GLIS3: variants seen among roughly 807,000 people sequenced by gnomAD.
GLIS3 encodes the protein zinc finger protein GLIS3.
In GLIS3, 53 loss-of-function variants were observed where a neutral mutation model predicts 78.6. That is an observed-to-expected ratio of 0.67 (90% CI 0.54 to 0.85). The LOEUF is 0.85. GLIS3 is among the 40% of genes least tolerant of loss of function. The probability of loss-of-function intolerance (pLI) is 0.00; values close to 1 mark genes in which losing one functional copy is unlikely to be tolerated. For missense variants in GLIS3, 1,703 were observed against 1,231.1 expected (o/e 1.38, Z -5.74); for synonymous variants, 684 against 509.9 (o/e 1.34, Z -4.60).
At chr9:4,454,580 G>A in the GLIS3 span, among the ~76,000 whole-genome samples, 3 of 152,114 alleles carry the variant, frequency 2.0e-5, no homozygotes, top group African/African-American at 7.2e-5. Context: ...GTAAATCTAG[G>A]AGATACTAGT....
chr9:4,396,280 G>T, the GLIS3 span, among the ~76,000 whole-genome samples: 1 of 152,104 alleles, frequency 6.6e-6, no homozygotes, highest in African/African-American at 2.4e-5. Flanking sequence ...GCCTAGCTAA[G>T]TTTTCGTTTT....
At chr9:4,034,797 A>T (rs1020405999) in intron 4 of GLIS3, 1 of 152,132 alleles carries the variant, frequency 6.6e-6, no homozygotes, top group Non-Finnish European at 1.5e-5. Context: ...CACACCCCAG[A>T]GTATGGAATC....
At chr9:3,842,061 G>A (rs138930115) in intron 9 of GLIS3, among the ~76,000 whole-genome samples, 109 of 152,296 alleles carry the variant, frequency 7.2e-4, no homozygotes, top group East Asian at 3.1e-3. Flanking sequence ...AGAAAGATCC[G>A]GCAGAGAAGA....
chr9:4,369,968 G>A, the GLIS3 span, among the ~76,000 whole-genome samples: 2 of 152,116 alleles, frequency 1.3e-5, no homozygotes, highest in African/African-American at 4.8e-5. Context: ...GAGGCAGGCA[G>A]ATCACTTGAA....
At chr9:4,324,057 C>G (rs971206283) in intron 2 of GLIS3, among the ~76,000 whole-genome samples, 75 of 152,142 alleles carry the variant, frequency 4.9e-4, no homozygotes, top group African/African-American at 1.7e-3. Flanking sequence ...CCTTCGTTAA[C>G]TCTTCTTTGA....
chr9:4,369,938 T>A, the GLIS3 span, among the ~76,000 whole-genome samples: 1 of 152,178 alleles, frequency 6.6e-6, no homozygotes, highest in African/African-American at 2.4e-5. Flanking sequence ...ATGCCCATAA[T>A]CCCAGCATTT....
intron 2 of GLIS3, among the ~76,000 whole-genome samples, chr9:4,260,167 G>C (rs1038316806): frequency 6.6e-6 from 1 of 152,178 alleles, no homozygotes; most frequent in African/African-American, 2.4e-5. Flanking sequence ...GGCCAGGCCC[G>C]ATGGCCTGTA....
chr9:4,062,398 G>A (rs936255120), intron 4 of GLIS3, among the ~76,000 whole-genome samples: 3 of 152,172 alleles, frequency 2.0e-5, no homozygotes, highest in African/African-American at 7.2e-5. Context: ...TACCCCAGTT[G>A]CTGCTACATA....
rs1563901200 is a variant in GLIS3 at position 3,967,010 on chromosome 9, G to GAA, written c.1711-29822_1711-29821insTT. Among the ~76,000 whole-genome samples, 207 of 27,850 alleles carry GAA rather than the reference G, an allele frequency of 7.4e-3. 7 individuals carry two copies. The highest frequency in any genetic ancestry group is 0.011 in the Non-Finnish European group (153 of 13,802). 18.3% of individuals were successfully genotyped at this position (27,850 alleles called of 152,430 possible). ...CCTCAACTCCAGACAATTTCTTTCTGCAAAAAAAAAAAAAAAAAAAAAACA... is the reference window on the plus strand; with the variant it reads ...CCTCAACTCCAGACAATTTCTTTCTGAACAAAAAAAAAAAAAAAAAAAAAACA... On this transcript the variant is annotated intron_variant, in intron 4 of 10. Coordinates refer to ENST00000381971, the MANE Select transcript of GLIS3 (RefSeq NM_001042413.2).
rs77274313 is a variant in GLIS3, at chr9:3,876,140, A to G, written c.2297+3287T>C. Among the ~76,000 whole-genome samples, 381 of 152,270 alleles carry G rather than the reference A, an allele frequency of 2.5e-3. 2 individuals are homozygous for G. The highest frequency in any genetic ancestry group is 8.7e-3 in the African/African-American group (363 of 41,528). On this transcript the variant is annotated intron_variant, in intron 8 of 10. Coordinates refer to ENST00000381971, the MANE Select transcript of GLIS3 (RefSeq NM_001042413.2). ...ACATCATCTATGTGGTATTCCCACC[A>G]AAAATATTTACAATGAATCTGTTTA... is the stretch of plus-strand genomic sequence containing the variant.
At chr9:4,376,228 G>A in the GLIS3 span, among the ~76,000 whole-genome samples, 1 of 152,172 alleles carries the variant, frequency 6.6e-6, no homozygotes, top group Admixed American at 6.6e-5. Context: ...TTCAGGGGAA[G>A]ATGTTAGGAA....
chr9:4,275,323 T>A (rs1263449602), intron 2 of GLIS3, among the ~76,000 whole-genome samples: 1 of 152,144 alleles, frequency 6.6e-6, no homozygotes, highest in African/African-American at 2.4e-5. Flanking sequence ...GCTGAATGGT[T>A]TGAGTTTTTA....
At chr9:4,086,853 G>A (rs1328392249) in intron 4 of GLIS3, among the ~76,000 whole-genome samples, 1 of 152,188 alleles carries the variant, frequency 6.6e-6, no homozygotes, top group Non-Finnish European at 1.5e-5. Context: ...GTCCCACAGA[G>A]CCTTGCTGTT....
In GLIS3 at chr9:3,984,618, T is replaced by C. The variant is rs374800159; in HGVS notation, c.1711-47429A>G. On this transcript the variant is annotated intron_variant, in intron 4 of 10. Transcript: ENST00000381971. ...AGACTTTAGACTGTAGACTTTTGAG[T>C]TAATGTTGAAATGAGTTAAGACTTT... 6.6e-5 allele frequency among the ~76,000 whole-genome samples: 10 copies of C among 152,148 alleles called. No individual in the cohort carries two copies. The East Asian group carries it at 1.7e-3, about 26-fold the overall frequency.
chr9:4,119,398 G>C (rs1186225889), intron 3 of GLIS3, among the ~76,000 whole-genome samples: 1 of 152,126 alleles, frequency 6.6e-6, no homozygotes, highest in Non-Finnish European at 1.5e-5. Flanking sequence ...AAGTCAAAGG[G>C]TTGTCCAGGG....
intron 4 of GLIS3, among the ~76,000 whole-genome samples, chr9:3,956,036 A>T (rs1345304578): frequency 5.3e-5 from 8 of 151,570 alleles, no homozygotes; most frequent in African/African-American, 1.4e-4. Flanking sequence ...AGCAAAAAAA[A>T]AAAAAAAAAA....
intron 5 of GLIS3, 35 bp downstream of exon 5, chr9:3,936,970 AGGCACTTCCTCACACCAGGCGCT>A (rs1451718379): frequency 3.8e-6 from 6 of 1,595,084 alleles, no homozygotes; most frequent in Non-Finnish European, 5.2e-6. Context: ...ACTATCAAGC[AGGCACTTCCTCACACCAGGCGCT>A]GGGTTGGAAA....
At chr9:3,944,637 A>G (rs1268255419) in intron 4 of GLIS3, among the ~76,000 whole-genome samples, 2 of 152,234 alleles carry the variant, frequency 1.3e-5, no homozygotes, top group Admixed American at 1.3e-4. Context: ...CCATAAGAGC[A>G]TGTATACTTC....
intron 1 of GLIS3, among the ~76,000 whole-genome samples, chr9:4,291,060 T>C (rs186870401): frequency 7.3e-4 from 111 of 152,242 alleles, no homozygotes; most frequent in Admixed American, 4.0e-3. Flanking sequence ...TTCCTCATTA[T>C]TGAAATGTGG....
Sources: gnomAD v4.1 joint callset for allele counts (sites outside exome capture counted in the v4.1 genomes callset) on GRCh38, gnomAD v4.1.1 for gene constraint, MANE v1.5 for transcripts, NCBI Gene and HGNC (gene_info 2026-07-23, HGNC 2026-07-21) for gene names.